The following MAPKAPK3 variants were observed in gnomAD, a reference collection of about 807,000 sequenced individuals.
The protein encoded by MAPKAPK3 is MAPK activated protein kinase 3.
A neutral mutation model predicts 49.2 loss-of-function variants in MAPKAPK3; 35 were observed. The observed-to-expected ratio is 0.71, with a 90% CI of 0.54 to 0.94. The LOEUF is 0.94. MAPKAPK3 is among the 40% of genes least tolerant of loss of function. The pLI, the probability that MAPKAPK3 is intolerant of heterozygous loss-of-function variation, is 0.00. For synonymous variants in MAPKAPK3, 178 were observed against 188.7 expected (o/e 0.94, Z 0.46); for missense variants, 398 against 493.1 (o/e 0.81, Z 1.83).
At chr3:50,618,580 C>T (rs939701676) in intron 2 of MAPKAPK3, among the ~76,000 whole-genome samples, 1 of 152,192 alleles carries the variant, frequency 6.6e-6, no homozygotes, top group Admixed American at 6.5e-5. Context: ...TTGAATCTGT[C>T]ATCTCTGGGG....
At chr3:50,626,890 C>T (rs1230216318) in intron 2 of MAPKAPK3, among the ~76,000 whole-genome samples, 2 of 152,216 alleles carry the variant, frequency 1.3e-5, no homozygotes, top group African/African-American at 4.8e-5. Flanking sequence ...ACAGTCTGCT[C>T]ATCAGCAAAA....
Position 50,645,721 on chromosome 3 carries a change from C to T in MAPKAPK3, c.640C>T (p.Leu214=). The change falls in exon 7 of 11, where the codon CTG becomes TTG. Residue 214 remains leucine, a synonymous_variant. Transcript: ENST00000621469. ...CTCTGCCCTGGCAGCCCCTGAGGTCCTGGGTCCAGAGAAGTATGACAAGTC... is the reference window on the plus strand; with the variant it reads ...CTCTGCCCTGGCAGCCCCTGAGGTCTTGGGTCCAGAGAAGTATGACAAGTC... ...YTPYYVAPEV[L]GPEKYDKSCD... is the part of the protein sequence containing the mutation. 6.2e-7 allele frequency: 1 copy of T among 1,614,116 alleles called. No homozygotes were observed. The highest frequency in any genetic ancestry group is 8.5e-7 in the Non-Finnish European group (1 of 1,179,984).
At chr3:50,629,092 T>C (rs541525673) in intron 2 of MAPKAPK3, among the ~76,000 whole-genome samples, 12 of 152,222 alleles carry the variant, frequency 7.9e-5, no homozygotes, top group African/African-American at 2.9e-4. Flanking sequence ...GTCGCTCCCC[T>C]AAGATCAGCC....
At chr3:50,634,203 C>A (rs575846109) in intron 2 of MAPKAPK3, among the ~76,000 whole-genome samples, 1 of 152,210 alleles carries the variant, frequency 6.6e-6, no homozygotes, top group Non-Finnish European at 1.5e-5. Context: ...GCTTGTTGAG[C>A]TTCAGTGGGG....
At chr3:50,621,173 A>G (rs1042402353) in intron 2 of MAPKAPK3, among the ~76,000 whole-genome samples, 1 of 152,190 alleles carries the variant, frequency 6.6e-6, no homozygotes, top group Non-Finnish European at 1.5e-5. Flanking sequence ...AATAAAAGCA[A>G]TAGGCTGGGT....
intron 6 of MAPKAPK3, among the ~76,000 whole-genome samples, 155 bp downstream of exon 6, chr3:50,644,687 G>A (rs1168661698): frequency 3.3e-5 from 5 of 152,162 alleles, no homozygotes; most frequent in African/African-American, 4.8e-5. Context: ...GTGGGGGGCC[G>A]GAGGCTGCAA....
At chr3:50,639,146 A>C (rs967310908) in intron 2 of MAPKAPK3, among the ~76,000 whole-genome samples, 4 of 152,186 alleles carry the variant, frequency 2.6e-5, no homozygotes, top group Non-Finnish European at 4.4e-5. Context: ...CGCCCACTGG[A>C]TGCTTGCCTT....
Position 50,640,612 on chromosome 3 carries a change from G to C in MAPKAPK3, c.359+107G>C, listed in dbSNP as rs1298423929. 3 of 1,389,080 alleles carry C rather than the reference G, an allele frequency of 2.2e-6. No individual in the cohort carries two copies. The East Asian group carries it at 7.1e-5, about 33-fold the overall frequency. The allele number at this position is 1,389,080 out of a possible 1,614,324, so 86.0% of individuals were successfully genotyped here. A position where few individuals can be genotyped will look rare whatever the true frequency, so the allele number is the denominator to read the frequency against. Reference sequence around the variant, plus strand: ...TTTGTTTTTCAGGTAGCAGATCTGGGTGCCACTGTAGCCCCTGAGGGGCAA... The same window carrying C: ...TTTGTTTTTCAGGTAGCAGATCTGGCTGCCACTGTAGCCCCTGAGGGGCAA... On this transcript the variant is annotated intron_variant, in intron 3 of 10. Coordinates refer to ENST00000621469, the MANE Select transcript of MAPKAPK3 (RefSeq NM_001243925.2).
chr3:50,639,887 G>GA (rs2033134288), intron 2 of MAPKAPK3, among the ~76,000 whole-genome samples: 6 of 152,088 alleles, frequency 3.9e-5, no homozygotes, highest in Non-Finnish European at 8.8e-5. Context: ...AGGCACCAAG[G>GA]GCCTACTATG....
intron 2 of MAPKAPK3, among the ~76,000 whole-genome samples, chr3:50,635,986 C>T (rs2033032382): frequency 6.7e-6 from 1 of 149,502 alleles, no homozygotes; most frequent in Non-Finnish European, 1.5e-5. Flanking sequence ...GTGGCATGCA[C>T]CTGTGGTCCC....
intron 2 of MAPKAPK3, among the ~76,000 whole-genome samples, chr3:50,639,185 C>T (rs1422205205): frequency 6.6e-6 from 1 of 152,220 alleles, no homozygotes; most frequent in Non-Finnish European, 1.5e-5. Context: ...GGGGATGACT[C>T]TGCTATTATA....
chr3:50,641,826 G>C, intron 4 of MAPKAPK3, 55 bp downstream of exon 4: 2 of 1,472,254 alleles, frequency 1.4e-6, no homozygotes. Flanking sequence ...GTATGGACCA[G>C]AGCGTTGTGT....
rs373816169 is a variant in MAPKAPK3, at chr3:50,642,351, G to C, written c.504+19G>C. ...TGTCAAGGTGAGGCTCCAGGATTCA[G>C]GTTGGGGGCCCGGGGAAGAGGATAT... On this transcript the variant is annotated intron_variant, in intron 5 of 10. Coordinates refer to ENST00000621469, the MANE Select transcript of MAPKAPK3 (RefSeq NM_001243925.2). The C allele has an allele frequency of 4.6e-5, 73 of 1,602,748 alleles. No homozygotes were observed. Among genetic ancestry groups the C allele is most frequent in the Non-Finnish European group, 6.1e-5 (71 of 1,172,368 alleles).
rs553088113 is a variant in MAPKAPK3 at position 50,647,107 on chromosome 3, G to T, written c.916-16G>T. ...TGCCTCCAGTTTCTAATCCACGGGC[G>T]TGGGGCTCCTTCCAGCAATCGATGG... On this transcript the variant is annotated splice_polypyrimidine_tract_variant and intron_variant, in intron 9 of 10. Coordinates refer to ENST00000621469, the MANE Select transcript of MAPKAPK3 (RefSeq NM_001243925.2). 1.3e-6 allele frequency: 2 copies of T among 1,562,624 alleles called. No individual in the cohort carries two copies. The highest frequency in any genetic ancestry group is 2.4e-5 in the East Asian group (1 of 42,018).
In MAPKAPK3 at chr3:50,640,583, T is replaced by A. The variant is rs573641417; in HGVS notation, c.359+78T>A. The A allele has an allele frequency of 1.4e-5, 21 of 1,487,404 alleles. No homozygotes were observed. The African/African-American group carries it at 2.1e-4, about 15-fold the overall frequency. The allele number at this position is 1,487,404 out of a possible 1,614,324, so 92.1% of individuals were successfully genotyped here. A position where few individuals can be genotyped will look rare whatever the true frequency, so the allele number is the denominator to read the frequency against. On this transcript the variant is annotated intron_variant, in intron 3 of 10. Coordinates refer to ENST00000621469, the MANE Select transcript of MAPKAPK3 (RefSeq NM_001243925.2). ...GGCTCCCTGCCACGCTTCTAGGGGCTTTCTTTGTTTTTCAGGTAGCAGATC... is the reference window on the plus strand; with the variant it reads ...GGCTCCCTGCCACGCTTCTAGGGGCATTCTTTGTTTTTCAGGTAGCAGATC...
At chr3:50,627,675 C>T (rs911981438) in intron 2 of MAPKAPK3, among the ~76,000 whole-genome samples, 7 of 152,168 alleles carry the variant, frequency 4.6e-5, no homozygotes, top group Non-Finnish European at 1.0e-4. Flanking sequence ...GCTGCCAGGC[C>T]ACCACCCTGG....
intron 2 of MAPKAPK3, among the ~76,000 whole-genome samples, chr3:50,617,990 C>T (rs1220813293): frequency 2.6e-5 from 4 of 152,182 alleles, no homozygotes; most frequent in Admixed American, 2.0e-4. Context: ...CTTTGAGTGT[C>T]CCAGTGAGCA....
At chr3:50,617,451 G>A (rs2032496647) in intron 1 of MAPKAPK3, 63 bp from the exon 2 acceptor site, 2 of 625,238 alleles carry the variant, frequency 3.2e-6, no homozygotes, top group Non-Finnish European at 5.6e-6. Context: ...CCAGTTCAGA[G>A]GCTCCAAGGC....
intron 10 of MAPKAPK3, among the ~76,000 whole-genome samples, chr3:50,647,555 C>A (rs1291969347): frequency 6.6e-6 from 1 of 152,244 alleles, no homozygotes; most frequent in Non-Finnish European, 1.5e-5. Flanking sequence ...GCACAATCTC[C>A]AGGCCCCAGT....
Sources: allele counts gnomAD v4.1 joint callset (sites outside exome capture counted in the v4.1 genomes callset), GRCh38; gene constraint gnomAD v4.1.1; transcripts MANE v1.5; gene names NCBI Gene and HGNC (gene_info 2026-07-23, HGNC 2026-07-21).